The following L3MBTL4 variants were observed in gnomAD, a reference collection of about 807,000 sequenced individuals.
The protein encoded by L3MBTL4 is L3MBTL histone methyl-lysine binding protein 4.
Under a neutral mutation model 84.5 loss-of-function variants are expected in L3MBTL4, and 70 were observed. The observed-to-expected ratio is 0.83, with a 90% CI of 0.68 to 1.01. The LOEUF (loss-of-function observed/expected upper bound fraction) is 1.01, where lower values mean the gene tolerates loss of function less well. Among genes scored for constraint, L3MBTL4 ranks in the 50% least tolerant of loss-of-function variants. The pLI, the probability that L3MBTL4 is intolerant of heterozygous loss-of-function variation, is 0.00. For synonymous variants in L3MBTL4, 274 were observed against 259.8 expected (o/e 1.05, Z -0.52); for missense variants, 715 against 754.8 (o/e 0.95, Z 0.62).
rs965759689 is a variant in L3MBTL4, at chr18:6,226,280, C to A, written c.785-10445G>T. On this transcript the variant is annotated intron_variant, in intron 10 of 18. Coordinates refer to ENST00000317931, the MANE Select transcript of L3MBTL4 (RefSeq NM_001330559.2). Reference sequence around the variant, plus strand: ...AAATAGCTGAGTGTCATGGTGCACACCTGTAATCCCAGCTACTCAGGAGGC... The same window carrying A: ...AAATAGCTGAGTGTCATGGTGCACAACTGTAATCCCAGCTACTCAGGAGGC... 8.5e-5 allele frequency among the ~76,000 whole-genome samples: 13 copies of A among 152,098 alleles called. No homozygotes were observed. The East Asian group carries it at 9.7e-4, about 11-fold the overall frequency.
chr18:6,111,777 T>C (rs1171512005), intron 14 of L3MBTL4, among the ~76,000 whole-genome samples: 2 of 152,202 alleles, frequency 1.3e-5, no homozygotes, highest in Non-Finnish European at 1.5e-5. Context: ...CAAATATGGA[T>C]ACATTGGAGA....
intron 5 of L3MBTL4, chr18:6,259,563 T>G (rs1231997032): frequency 6.6e-6 from 1 of 152,152 alleles, no homozygotes; most frequent in Admixed American, 6.5e-5. Flanking sequence ...TATTTTTTAC[T>G]TTTTCTTCTT....
intron 18 of L3MBTL4, among the ~76,000 whole-genome samples, chr18:5,958,074 A>G (rs1216911211): frequency 9.6e-5 from 4 of 41,696 alleles, no homozygotes; most frequent in East Asian, 2.9e-3. Flanking sequence ...GAAGAAGAAG[A>G]AGAAGAAGAA....
At chr18:6,130,540 G>C (rs1352541977) in intron 14 of L3MBTL4, among the ~76,000 whole-genome samples, 1 of 152,134 alleles carries the variant, frequency 6.6e-6, no homozygotes, top group Non-Finnish European at 1.5e-5. Context: ...TCCCACACAG[G>C]AGTTCTAGGG....
chr18:6,160,626 G>C (rs2043292386), intron 13 of L3MBTL4, among the ~76,000 whole-genome samples: 1 of 151,442 alleles, frequency 6.6e-6, no homozygotes, highest in African/African-American at 2.4e-5. Context: ...AGCTACCCAA[G>C]AGTATGAGAC....
chr18:6,279,847 A>G (rs1198477393), intron 4 of L3MBTL4, among the ~76,000 whole-genome samples: 3 of 152,180 alleles, frequency 2.0e-5, no homozygotes, highest in African/African-American at 4.8e-5. Context: ...TCCTCTATAT[A>G]TCCTAGAGCC....
At chr18:6,163,308 G>GGT (rs1437549140) in intron 13 of L3MBTL4, among the ~76,000 whole-genome samples, 1 of 78,286 alleles carries the variant, frequency 1.3e-5, no homozygotes, top group East Asian at 4.8e-4. Flanking sequence ...TGTGTGTGTG[G>GGT]GTGGGTGTGT....
intron 13 of L3MBTL4, among the ~76,000 whole-genome samples, chr18:6,150,468 C>T (rs1300833995): frequency 3.3e-5 from 5 of 152,028 alleles, no homozygotes; most frequent in Non-Finnish European, 7.4e-5. Flanking sequence ...CACACAATTA[C>T]ACAATGTATA....
intron 4 of L3MBTL4, among the ~76,000 whole-genome samples, chr18:6,299,171 TA>T (rs1412212067): frequency 6.6e-6 from 1 of 152,210 alleles, no homozygotes; most frequent in African/African-American, 2.4e-5. Flanking sequence ...GTTAAGTTTT[TA>T]GAATTACTAT....
chr18:6,004,994 ATAATTTT>A (rs1162325179), intron 16 of L3MBTL4, among the ~76,000 whole-genome samples: 19 of 46,260 alleles, frequency 4.1e-4, no homozygotes, highest in Middle Eastern at 0.011. Context: ...GGTTAAGATG[ATAATTTT>A]TTTTTTTTTT....
chr18:6,083,180 C>T (rs1229461356), intron 15 of L3MBTL4, among the ~76,000 whole-genome samples: 1 of 152,160 alleles, frequency 6.6e-6, no homozygotes, highest in Admixed American at 6.6e-5. Context: ...GTACAGTTTA[C>T]TGATTATTTA....
chr18:5,980,898 T>C (rs2053180557), intron 16 of L3MBTL4, among the ~76,000 whole-genome samples: 1 of 152,220 alleles, frequency 6.6e-6, no homozygotes, highest in Admixed American at 6.5e-5. Flanking sequence ...AAGCCGCCCT[T>C]GCCTGGGCTG....
At position 6,299,981 on chromosome 18, in the gene L3MBTL4, A is replaced by C. The variant is rs16949810; in HGVS notation, c.127+1922T>G. Among the ~76,000 whole-genome samples, 1,404 of 152,254 alleles carry C rather than the reference A, an allele frequency of 9.2e-3. 23 individuals carry two copies. Among genetic ancestry groups the C allele is most frequent in the African/African-American group, 0.032 (1,317 of 41,552 alleles). On this transcript the variant is annotated intron_variant, in intron 4 of 18. Transcript: ENST00000317931. Reference sequence around the variant, plus strand: ...GCCACCACGCCTGACCTATTTTTCAATACAATTTTCTGTTCACATATAAAT... The same window carrying C: ...GCCACCACGCCTGACCTATTTTTCACTACAATTTTCTGTTCACATATAAAT...
chr18:6,157,198 C>G (rs112098723), intron 13 of L3MBTL4, among the ~76,000 whole-genome samples: 32 of 152,088 alleles, frequency 2.1e-4, no homozygotes, highest in Non-Finnish European at 4.1e-4. Flanking sequence ...CTTAGGGACT[C>G]TTAAAACTGC....
At chr18:6,088,888 C>T (rs1362185807) in intron 15 of L3MBTL4, among the ~76,000 whole-genome samples, 2 of 152,118 alleles carry the variant, frequency 1.3e-5, no homozygotes, top group Non-Finnish European at 2.9e-5. Context: ...ATTTTTATTA[C>T]TAATATTAGC....
intron 14 of L3MBTL4, among the ~76,000 whole-genome samples, chr18:6,097,409 C>G (rs34717872): frequency 0.16 from 25,045 of 152,106 alleles, 2,388 homozygotes; most frequent in African/African-American, 0.27. Context: ...ATGTTTCTGT[C>G]TCTGAGTTTT....
At chr18:6,240,503 C>T (rs765729894) in intron 8 of L3MBTL4, among the ~76,000 whole-genome samples, 4 of 151,756 alleles carry the variant, frequency 2.6e-5, no homozygotes, top group Non-Finnish European at 5.9e-5. Flanking sequence ...ATACTATGAA[C>T]TATGATTTAC....
Position 5,969,497 on chromosome 18 carries a change from G to A in L3MBTL4, c.1510C>T (p.His504Tyr). Residue 504 changes from histidine to tyrosine, a missense_variant, in exon 17 of 19, where the codon CAC becomes TAC. Physicochemically the swap from His to Tyr is moderately conservative, Grantham distance 83 (BLOSUM62 2). Transcript: ENST00000317931. ...QSVSMSTVSA[H>Y]PFRDLPLGRE... ...CCGAGGGGAAGGTCCCGAAAAGGGTGGGCTGACACCGTGGACATGGACACT... is the reference window on the plus strand; with the variant it reads ...CCGAGGGGAAGGTCCCGAAAAGGGTAGGCTGACACCGTGGACATGGACACT... 1.2e-6 allele frequency: 2 copies of A among 1,613,982 alleles called. No homozygotes were observed. The highest frequency in any genetic ancestry group is 1.7e-4 in the Middle Eastern group (1 of 6,056).
intron 16 of L3MBTL4, chr18:6,046,740 G>A (rs1459430339): frequency 3.9e-6 from 3 of 775,884 alleles, no homozygotes; most frequent in Non-Finnish European, 7.2e-6. Context: ...AAACCTCTGG[G>A]ATGCAGCACA....
Sources: gnomAD v4.1 joint callset for allele counts (sites outside exome capture counted in the v4.1 genomes callset) on GRCh38, gnomAD v4.1.1 for gene constraint, MANE v1.5 for transcripts, NCBI Gene and HGNC (gene_info 2026-07-23, HGNC 2026-07-21) for gene names.